The following MCM9 variants were observed in gnomAD, a reference collection of about 807,000 sequenced individuals.
MCM9 encodes the protein minichromosome maintenance 9 homologous recombination repair factor.
In MCM9, 55 loss-of-function variants were observed where a neutral mutation model predicts 72.8. The observed-to-expected ratio is 0.76, with a 90% confidence interval of 0.61 to 0.95. The LOEUF is 0.95. Among genes scored for constraint, MCM9 ranks in the 40% least tolerant of loss-of-function variants. MCM9 has a pLI of 0.00. For missense variants in MCM9, 1,279 were observed against 1,377.0 expected (o/e 0.93, Z 1.13); for synonymous variants, 480 against 503.4 (o/e 0.95, Z 0.62).
intron 13 of MCM9, 28 bp from the exon 14 acceptor site, chr6:118,816,322 T>C (rs1295413008): frequency 1.4e-6 from 2 of 1,471,270 alleles, no homozygotes; most frequent in African/African-American, 1.4e-5. Context: ...AAATAAAACA[T>C]GTCTTGAAGG....
intron 8 of MCM9, among the ~76,000 whole-genome samples, chr6:118,861,965 T>C (rs1776934387): frequency 1.3e-5 from 2 of 152,318 alleles, no homozygotes; most frequent in South Asian, 2.1e-4. Flanking sequence ...AGGCCCATGC[T>C]GAGCTACCTT....
At position 118,820,085 on chromosome 6, in the gene MCM9, C is replaced by G. The variant is rs532151854; in HGVS notation, c.1962-3791G>C. On this transcript the variant is annotated intron_variant, in intron 13 of 13. Coordinates refer to ENST00000619706, the MANE Select transcript of MCM9 (RefSeq NM_017696.3). Reference sequence around the variant, plus strand: ...TTCAAAAAACCAGCTCCTGGATTCACTGATTTTTTGAAGGGTTTTTCGTGT... The same window carrying G: ...TTCAAAAAACCAGCTCCTGGATTCAGTGATTTTTTGAAGGGTTTTTCGTGT... Among the ~76,000 whole-genome samples, 5 of 152,084 alleles carry G rather than the reference C, an allele frequency of 3.3e-5. No individual in the cohort carries two copies. The South Asian group carries it at 1.0e-3, about 32-fold the overall frequency.
At position 118,826,798 on chromosome 6, in the gene MCM9, A is replaced by G. The variant is rs1445557559; in HGVS notation, c.1799T>C (p.Met600Thr). 1 of 1,550,314 alleles carries G rather than the reference A, an allele frequency of 6.5e-7. No homozygotes were observed. Among genetic ancestry groups the G allele is most frequent in the East Asian group, 2.4e-5 (1 of 40,908 alleles). ...LEDAITVVSV[M>T]ESSMQGGALL... ...TATCCTTACCTGCATTGAGGACTCC[A>G]TGACTGACACCACCGTAATAGCGTC... The change falls in exon 12 of 14, where the codon ATG becomes ACG. Residue 600 changes from methionine (M) to threonine (T), a missense_variant. Physicochemically the swap from Met to Thr is moderately conservative, Grantham distance 81. Transcript: ENST00000619706.
intron 9 of MCM9, among the ~76,000 whole-genome samples, chr6:118,842,178 T>C (rs1185327349): frequency 6.6e-6 from 1 of 152,206 alleles, no homozygotes; most frequent in Non-Finnish European, 1.5e-5. Flanking sequence ...TATCTAGGCA[T>C]GTGAGTATAA....
chr6:118,844,284 A>C (rs1005818742), intron 9 of MCM9, among the ~76,000 whole-genome samples: 1 of 151,802 alleles, frequency 6.6e-6, no homozygotes, highest in Non-Finnish European at 1.5e-5. Context: ...ACTGGTAGCC[A>C]AAAAAGTTGG....
chr6:118,875,831 A>C (rs1030484357), intron 8 of MCM9, among the ~76,000 whole-genome samples: 2 of 152,134 alleles, frequency 1.3e-5, no homozygotes, highest in Non-Finnish European at 2.9e-5. Context: ...GGCAGTTTCT[A>C]ACAAAAGCAA....
chr6:118,816,332 G>C, intron 13 of MCM9, 38 bp from the exon 14 acceptor site: 1 of 1,457,434 alleles, frequency 6.9e-7, no homozygotes, highest in Non-Finnish European at 9.1e-7. Context: ...TGTCTTGAAG[G>C]GAAGAGAATT....
At chr6:118,817,191 T>C (rs1301483941) in intron 13 of MCM9, among the ~76,000 whole-genome samples, 1 of 152,120 alleles carries the variant, frequency 6.6e-6, no homozygotes, top group Admixed American at 6.6e-5. Flanking sequence ...TACATAGGTA[T>C]ACATGTGCCA....
chr6:118,923,707 A>G (rs1298970669), intron 4 of MCM9, 104 bp downstream of exon 4: 8 of 980,366 alleles, frequency 8.2e-6, no homozygotes, highest in Non-Finnish European at 1.2e-5. Flanking sequence ...AAGTGACAAC[A>G]CAAGTACATT....
chr6:118,905,587 C>T (rs929882047), intron 8 of MCM9: 3 of 1,350,566 alleles, frequency 2.2e-6, no homozygotes, highest in African/African-American at 2.9e-5. Flanking sequence ...ACTGAAACTC[C>T]AGTCTTGCCT....
chr6:118,874,927 A>G (rs1777841983), intron 8 of MCM9, among the ~76,000 whole-genome samples: 1 of 152,202 alleles, frequency 6.6e-6, no homozygotes. Flanking sequence ...CAGCCTGGCC[A>G]ACATAGTGAA....
chr6:118,932,108 T>C lies in MCM9; in HGVS notation c.-15-370A>G, dbSNP rs147306811. Among the ~76,000 whole-genome samples, 367 of 152,358 alleles carry C rather than the reference T, an allele frequency of 2.4e-3. 2 individuals are homozygous for C. Among genetic ancestry groups the C allele is most frequent in the Admixed American group, 7.8e-3 (119 of 15,310 alleles). On this transcript the variant is annotated intron_variant, in intron 2 of 13. Transcript: ENST00000619706. ...TAATAGTGGTCTCATAAGATTACAATACTGTATCCTTATTGTATCTTTTCT... is the reference window on the plus strand; with the variant it reads ...TAATAGTGGTCTCATAAGATTACAACACTGTATCCTTATTGTATCTTTTCT...
At chr6:118,912,198 T>G (rs1780605151) in intron 7 of MCM9, 1 of 152,688 alleles carries the variant, frequency 6.5e-6, no homozygotes, top group South Asian at 2.1e-4. Context: ...TACTCTATTT[T>G]TAAATATCAA....
Position 118,815,713 on chromosome 6 carries a change from A to T in MCM9, c.2543T>A (p.Leu848Gln). ...SVLTHHVPRNLQKLCKERAQK... is the reference protein window; with the variant it reads ...SVLTHHVPRNQQKLCKERAQK... ...GGCCCTCTCTTTGCACAGCTTCTGC[A>T]GGTTCCTGGGGACATGATGAGTCAG... The change falls in exon 14 of 14, where the codon CTG becomes CAG. Residue 848 changes from leucine (L) to glutamine (Q), a missense_variant. By Grantham distance (113) the Leu-to-Gln change is moderately radical (BLOSUM62 -2). Coordinates refer to ENST00000619706, the MANE Select transcript of MCM9 (RefSeq NM_017696.3). The T allele has an allele frequency of 6.5e-7, 1 of 1,546,822 alleles. No homozygotes were observed. The highest frequency in any genetic ancestry group is 8.7e-7 in the Non-Finnish European group (1 of 1,146,610).
At chr6:118,825,843 C>G (rs1774131895) in intron 13 of MCM9, among the ~76,000 whole-genome samples, 1 of 152,044 alleles carries the variant, frequency 6.6e-6, no homozygotes, top group Non-Finnish European at 1.5e-5. Flanking sequence ...TTATCTCAGC[C>G]AACACAATGT....
intron 8 of MCM9, among the ~76,000 whole-genome samples, chr6:118,876,204 C>T (rs1777921367): frequency 1.3e-5 from 2 of 151,362 alleles, no homozygotes; most frequent in African/African-American, 4.9e-5. Context: ...TTTAAAAGAT[C>T]AGTGGTTGCC....
intron 6 of MCM9, among the ~76,000 whole-genome samples, chr6:118,915,130 CTG>C (rs1780837432): frequency 6.6e-6 from 1 of 152,186 alleles, no homozygotes; most frequent in Admixed American, 6.5e-5. Context: ...AAAGGTAGGA[CTG>C]GGGTCCCAGA....
chr6:118,831,491 T>G (rs1774560122), intron 9 of MCM9, among the ~76,000 whole-genome samples: 1 of 151,920 alleles, frequency 6.6e-6, no homozygotes, highest in Admixed American at 6.6e-5. Context: ...GAGAGATAAG[T>G]CAGGCAGATC....
At chr6:118,838,608 A>G (rs1775137246) in intron 9 of MCM9, among the ~76,000 whole-genome samples, 1 of 152,064 alleles carries the variant, frequency 6.6e-6, no homozygotes, top group African/African-American at 2.4e-5. Context: ...TTTTTATTAG[A>G]AACAGGGTTT....
Sources: gnomAD v4.1 joint callset for allele counts (sites outside exome capture counted in the v4.1 genomes callset) on GRCh38, gnomAD v4.1.1 for gene constraint, MANE v1.5 for transcripts, NCBI Gene and HGNC (gene_info 2026-07-23, HGNC 2026-07-21) for gene names.